TG: variants seen among roughly 807,000 people sequenced by gnomAD.
TG encodes the protein thyroid hormones.
In TG, 270 loss-of-function variants were observed where a neutral mutation model predicts 324.7. The observed-to-expected ratio is 0.83, with a 90% CI of 0.75 to 0.92. The LOEUF (loss-of-function observed/expected upper bound fraction) is 0.92, where lower values mean the gene tolerates loss of function less well. Ranked by LOEUF, TG falls within the 40% of genes least tolerant of loss-of-function variation. The pLI is 0.00. For missense variants in TG, 3,591 were observed against 3,456.4 expected (o/e 1.04, Z -0.98); for synonymous variants, 1,401 against 1,327.0 (o/e 1.06, Z -1.21).
Position 132,961,008 on chromosome 8 carries a change from G to T in TG, c.5402G>T (p.Ser1801Ile). 6.2e-7 allele frequency: 1 copy of T among 1,614,006 alleles called. No individual in the cohort carries two copies. Among genetic ancestry groups the T allele is most frequent in the Non-Finnish European group, 8.5e-7 (1 of 1,179,904 alleles). Residue 1801 changes from serine to isoleucine, a missense_variant and splice_region_variant, in exon 28 of 48, where the codon AGT (serine) becomes ATT (isoleucine). Coordinates refer to ENST00000220616, the MANE Select transcript of TG (RefSeq NM_003235.5). ...LRLGDQEFIK[S>I]LTPLEGTQDT... is the part of the protein sequence containing the mutation. ...TAAAAATAAACATCTTCCTTTGCAGGTCTGACACCCTTAGAAGGAACTCAA... is the reference window on the plus strand; with the variant it reads ...TAAAAATAAACATCTTCCTTTGCAGTTCTGACACCCTTAGAAGGAACTCAA...
At chr8:132,962,831 TAA>T (rs1419751520) in intron 28 of TG, among the ~76,000 whole-genome samples, 161 bp from the exon 29 acceptor site, 5 of 152,196 alleles carry the variant, frequency 3.3e-5, no homozygotes, top group Non-Finnish European at 7.3e-5. Flanking sequence ...ATGTTCCATA[TAA>T]AAAAGAGTGC....
intron 43 of TG, among the ~76,000 whole-genome samples, chr8:133,097,898 A>G (rs1010217072): frequency 2.2e-4 from 34 of 152,252 alleles, no homozygotes; most frequent in African/African-American, 8.2e-4. Flanking sequence ...TCCTATCTGG[A>G]AGGTGGGTGT....
rs1321818207 is a variant in TG, at chr8:132,900,352, C to A, written c.3433+13C>A. On this transcript the variant is annotated intron_variant, in intron 15 of 47. Coordinates refer to ENST00000220616, the MANE Select transcript of TG (RefSeq NM_003235.5). ...AGCAGTGCCCAGTGTGAGTAGCAGC[C>A]CCTCCTGGCATGGCTTCTCACCTCT... 1 of 1,604,890 alleles carries A rather than the reference C, an allele frequency of 6.2e-7. No individual in the cohort carries two copies. Among genetic ancestry groups the A allele is most frequent in the East Asian group, 2.2e-5 (1 of 44,698 alleles).
At chr8:133,001,976 G>A in intron 35 of TG, 1 of 985,492 alleles carries the variant, frequency 1.0e-6, no homozygotes, top group South Asian at 4.7e-5. Flanking sequence ...GAAGAAGGGT[G>A]AGGATCCTGA....
Position 133,107,929 on chromosome 8 carries a change from A to G in TG, c.7573-5493A>G, listed in dbSNP as rs138539880. On this transcript the variant is annotated intron_variant, in intron 43 of 47. Transcript: ENST00000220616. ...CTTAGAAGGAGTTTCCGCAGAACCC[A>G]TGAAGGAGGCTCCATCCATGATTGG... 3.9e-3 allele frequency among the ~76,000 whole-genome samples: 587 copies of G among 151,696 alleles called. 4 individuals carry two copies. The highest frequency in any genetic ancestry group is 0.014 in the African/African-American group (562 of 41,280).
rs774483789 is a variant in TG at position 132,961,042 on chromosome 8, T to C, written c.5436T>C (p.Phe1812=). ...LTPLEGTQDT[F]TNFQQVYLWK... Reference sequence around the variant, plus strand: ...CCTTAGAAGGAACTCAAGACACCTTTACCAATTTTCAGCAGGTTTATCTCT... The same window carrying C: ...CCTTAGAAGGAACTCAAGACACCTTCACCAATTTTCAGCAGGTTTATCTCT... Residue 1812 remains phenylalanine (F), a synonymous_variant, in exon 28 of 48, where the codon TTT becomes TTC. Coordinates refer to ENST00000220616, the MANE Select transcript of TG (RefSeq NM_003235.5). 2.5e-6 allele frequency: 4 copies of C among 1,614,060 alleles called. No homozygotes were observed. Among genetic ancestry groups the C allele is most frequent in the Non-Finnish European group, 2.5e-6 (3 of 1,179,944 alleles).
rs559681939 is a variant in TG at position 132,925,896 on chromosome 8, G to A, written c.4699+2388G>A. 1.2e-4 allele frequency among the ~76,000 whole-genome samples: 18 copies of A among 152,340 alleles called. No individual in the cohort carries two copies. The South Asian group carries it at 3.5e-3, about 30-fold the overall frequency. On this transcript the variant is annotated intron_variant, in intron 22 of 47. Coordinates refer to ENST00000220616, the MANE Select transcript of TG (RefSeq NM_003235.5). The stretch of plus-strand genomic sequence containing the variant: ...AAGAACAGTTTAAACAGTGGCACCA[G>A]AAGTGCTCACGAGTCACAGCTGAGC...
At chr8:132,900,470 C>T (rs973875297) in intron 15 of TG, 131 bp downstream of exon 15, 2 of 820,656 alleles carry the variant, frequency 2.4e-6, no homozygotes, top group Non-Finnish European at 4.0e-6. Flanking sequence ...GCTGACCTCA[C>T]TATGCCTCAG....
chr8:132,962,105 G>A lies in TG; in HGVS notation c.5468-889G>A, dbSNP rs144253640. Among the ~76,000 whole-genome samples the A allele has an allele frequency of 5.1e-3, 776 of 152,270 alleles. 29 individuals carry two copies. The highest frequency in any genetic ancestry group is 0.036 in the Admixed American group (555 of 15,288). ...ATGCTGAGTAATGTTGGTGGGGGTG[G>A]TGGTGATGAAGTGAAGAAGGAAGGC... is the stretch of plus-strand genomic sequence containing the variant. On this transcript the variant is annotated intron_variant, in intron 28 of 47. Coordinates refer to ENST00000220616, the MANE Select transcript of TG (RefSeq NM_003235.5).
intron 20 of TG, among the ~76,000 whole-genome samples, chr8:132,918,674 A>G (rs111820472): frequency 1.5e-3 from 235 of 152,276 alleles, no homozygotes; most frequent in African/African-American, 5.2e-3. Flanking sequence ...GAATGAATGG[A>G]GCTCAAATCT....
chr8:133,045,582 GT>G (rs954952991), intron 41 of TG, among the ~76,000 whole-genome samples: 1 of 151,690 alleles, frequency 6.6e-6, no homozygotes, highest in Non-Finnish European at 1.5e-5. Flanking sequence ...TTTTGTAGAG[GT>G]GCAGTGTTGC....
At chr8:132,905,439 T>G (rs929386817) in intron 16 of TG, among the ~76,000 whole-genome samples, 2 of 152,196 alleles carry the variant, frequency 1.3e-5, no homozygotes, top group African/African-American at 4.8e-5. Context: ...AAATAGGTCA[T>G]TCTTCCTCTT....
At chr8:133,109,197 C>G (rs1850069070) in intron 43 of TG, among the ~76,000 whole-genome samples, 1 of 152,192 alleles carries the variant, frequency 6.6e-6, no homozygotes, top group African/African-American at 2.4e-5. Flanking sequence ...CTATTATAAT[C>G]TGATTGCTGA....
chr8:132,916,952 TC>T (rs1169895230), intron 20 of TG, among the ~76,000 whole-genome samples: 1 of 151,834 alleles, frequency 6.6e-6, no homozygotes, highest in African/African-American at 2.4e-5. Flanking sequence ...TTACCTACTT[TC>T]CTTCCTTCCT....
At chr8:133,098,194 T>C (rs1848720813) in intron 43 of TG, among the ~76,000 whole-genome samples, 1 of 152,206 alleles carries the variant, frequency 6.6e-6, no homozygotes, top group South Asian at 2.1e-4. Context: ...TCAGAGTTTG[T>C]AGTCTCTAAA....
Position 132,871,548 on chromosome 8 carries a change from C to A in TG, c.475C>A (p.Arg159=), listed in dbSNP as rs759267330. The part of the protein sequence containing the change: ...YGTRQLGRPK[R]CPRSCEIRNR... ...GACCCGCCAGCTGGGGAGGCCAAAG[C>A]GATGTGAGTTTCACTGAGCGCCTGC... is the stretch of plus-strand genomic sequence containing the variant. The change falls in exon 4 of 48, where the codon CGA becomes AGA. Residue 159 remains arginine, a synonymous_variant. Transcript: ENST00000220616. 7 of 1,613,254 alleles carry A rather than the reference C, an allele frequency of 4.3e-6. No homozygotes were observed. Among genetic ancestry groups the A allele is most frequent in the South Asian group, 1.1e-5 (1 of 91,056 alleles).
chr8:132,949,353 C>T (rs1044224336), intron 27 of TG, among the ~76,000 whole-genome samples: 36 of 152,216 alleles, frequency 2.4e-4, no homozygotes, highest in African/African-American at 8.7e-4. Flanking sequence ...AGCAAGGCCT[C>T]TGTTGGTGGA....
chr8:132,959,208 C>A (rs1179030019), intron 27 of TG, among the ~76,000 whole-genome samples: 1 of 152,134 alleles, frequency 6.6e-6, no homozygotes, highest in Non-Finnish European at 1.5e-5. Context: ...CTTTGAGAGC[C>A]GTTTTCCAGA....
intron 41 of TG, among the ~76,000 whole-genome samples, chr8:133,081,581 A>T (rs563168539): frequency 1.8e-4 from 26 of 140,828 alleles, no homozygotes; most frequent in African/African-American, 6.7e-4. Flanking sequence ...ATTCTCAGGA[A>T]GAAGAAGAAA....
Sources: allele counts gnomAD v4.1 joint callset (sites outside exome capture counted in the v4.1 genomes callset), GRCh38; gene constraint gnomAD v4.1.1; transcripts MANE v1.5; gene names NCBI Gene and HGNC (gene_info 2026-07-23, HGNC 2026-07-21).